CFH: variants seen among roughly 807,000 people sequenced by gnomAD.
The protein encoded by CFH is H factor 1 (complement).
CFH carries 53 observed loss-of-function variants against 147.3 expected under a neutral mutation model. That is an observed-to-expected ratio of 0.36 (90% CI 0.29 to 0.45). CFH has a LOEUF of 0.45. CFH is among the 20% of genes least tolerant of loss of function. The pLI, the probability that CFH is intolerant of heterozygous loss-of-function variation, is 1.00. For missense variants in CFH, 1,380 were observed against 1,498.0 expected (o/e 0.92, Z 1.30); for synonymous variants, 536 against 489.4 (o/e 1.10, Z -1.26).
chr1:196,681,968 A>T (rs1558158410), intron 6 of CFH, among the ~76,000 whole-genome samples: 1 of 151,788 alleles, frequency 6.6e-6, no homozygotes, highest in African/African-American at 2.4e-5. Flanking sequence ...CTAAATCTAT[A>T]AGAAGTTTGG....
intron 9 of CFH, chr1:196,701,342 GA>G (rs1558167802): frequency 1.2e-6 from 2 of 1,613,626 alleles, no homozygotes; most frequent in South Asian, 2.2e-5. Flanking sequence ...ACTTCTGATC[GA>G]AGGTCATCCC....
chr1:196,676,267 G>A (rs562755711), intron 4 of CFH, among the ~76,000 whole-genome samples: 1 of 151,952 alleles, frequency 6.6e-6, no homozygotes, highest in African/African-American at 2.4e-5. Context: ...AGCCTGATCT[G>A]ATATAATAAT....
intron 11 of CFH, among the ~76,000 whole-genome samples, chr1:196,718,976 A>C (rs1018041500): frequency 6.6e-6 from 1 of 152,114 alleles, no homozygotes; most frequent in African/African-American, 2.4e-5. Context: ...ATTGACAGAC[A>C]TCTGAGTATA....
intron 11 of CFH, among the ~76,000 whole-genome samples, chr1:196,722,335 A>AATACAAAAT (rs1258628480): frequency 1.4e-4 from 21 of 152,232 alleles, no homozygotes; most frequent in Admixed American, 1.2e-3. Context: ...AGTTTAGCAA[A>AATACAAAAT]ATACAAAATA....
intron 1 of CFH, among the ~76,000 whole-genome samples, chr1:196,664,146 C>T (rs547349332): frequency 1.1e-4 from 17 of 152,106 alleles, no homozygotes; most frequent in Non-Finnish European, 2.5e-4. Context: ...TCCTTAAACT[C>T]CTGGGCTCAA....
chr1:196,659,646 CGG>C (rs1418070510), intron 1 of CFH, among the ~76,000 whole-genome samples: 3 of 151,970 alleles, frequency 2.0e-5, no homozygotes, highest in Non-Finnish European at 4.4e-5. Flanking sequence ...TGGTAACTTC[CGG>C]TTGTTGGGTC....
At chr1:196,677,727 A>C in intron 5 of CFH, 60 bp downstream of exon 5, 7 of 1,457,114 alleles carry the variant, frequency 4.8e-6, no homozygotes, top group Non-Finnish European at 6.7e-6. Context: ...TACATTTAAA[A>C]CATCGTTCAT....
intron 15 of CFH, among the ~76,000 whole-genome samples, 199 bp downstream of exon 15, chr1:196,728,721 ACACACACACACG>A (rs1457831192): frequency 2.1e-5 from 3 of 143,666 alleles, no homozygotes; most frequent in African/African-American, 7.7e-5. Context: ...ATAAACACAC[ACACACACACACG>A]CACACACACA....
intron 9 of CFH, among the ~76,000 whole-genome samples, chr1:196,697,654 G>A (rs1668317542): frequency 6.6e-6 from 1 of 152,048 alleles, no homozygotes; most frequent in Admixed American, 6.6e-5. Context: ...CCCATTACTG[G>A]GTATATACAC....
At chr1:196,726,093 C>T (rs1254891166) in intron 12 of CFH, among the ~76,000 whole-genome samples, 1 of 152,148 alleles carries the variant, frequency 6.6e-6, no homozygotes, top group African/African-American at 2.4e-5. Flanking sequence ...AATTCAGTTG[C>T]TTGTATTGAT....
chr1:196,730,454 T>C (rs1669256373), intron 15 of CFH, among the ~76,000 whole-genome samples: 1 of 151,894 alleles, frequency 6.6e-6, no homozygotes, highest in African/African-American at 2.4e-5. Flanking sequence ...CTTGATATGA[T>C]TTCAGTCTTC....
chr1:196,737,697 T>C, intron 17 of CFH, 37 bp downstream of exon 17: 3 of 1,548,596 alleles, frequency 1.9e-6, no homozygotes, highest in Non-Finnish European at 2.7e-6. Flanking sequence ...CTGTTTATAG[T>C]AGAATTCATA....
At chr1:196,723,102 T>C (rs910938629) in intron 11 of CFH, among the ~76,000 whole-genome samples, 1 of 152,150 alleles carries the variant, frequency 6.6e-6, no homozygotes, top group African/African-American at 2.4e-5. Context: ...GACTTATTGC[T>C]GAAGAGTTAG....
At chr1:196,682,485 T>C (rs1338239236) in intron 6 of CFH, among the ~76,000 whole-genome samples, 1 of 151,676 alleles carries the variant, frequency 6.6e-6, no homozygotes, top group African/African-American at 2.4e-5. Flanking sequence ...CTATTCTTAA[T>C]TAACAAAATT....
intron 9 of CFH, among the ~76,000 whole-genome samples, chr1:196,690,615 A>C (rs1327998567): frequency 6.6e-6 from 1 of 152,088 alleles, no homozygotes; most frequent in African/African-American, 2.4e-5. Context: ...TTAGGAGCAC[A>C]GGTTTAATAG....
intron 1 of CFH, among the ~76,000 whole-genome samples, chr1:196,658,231 A>T (rs1196848329): frequency 1.3e-5 from 2 of 151,830 alleles, no homozygotes; most frequent in African/African-American, 4.8e-5. Context: ...GCTAAAAAAA[A>T]ACTTGATTTT....
At chr1:196,679,415 A>G in intron 5 of CFH, 1 of 426,622 alleles carries the variant, frequency 2.3e-6, no homozygotes, top group South Asian at 2.9e-5. Flanking sequence ...TTATCCTGAA[A>G]CTAAATAAAA....
chr1:196,654,620 C>T (rs910465423), intron 1 of CFH, among the ~76,000 whole-genome samples: 12 of 152,178 alleles, frequency 7.9e-5, no homozygotes, highest in South Asian at 2.1e-4. Flanking sequence ...TAGGGTCTAA[C>T]AATTGTGTAC....
At chr1:196,701,167 G>A in intron 9 of CFH, 1 of 993,902 alleles carries the variant, frequency 1.0e-6, no homozygotes. Flanking sequence ...TTGTGGAGGG[G>A]ATCCCTGAAG....
Sources: gnomAD v4.1 joint callset for allele counts (sites outside exome capture counted in the v4.1 genomes callset) on GRCh38, gnomAD v4.1.1 for gene constraint, MANE v1.5 for transcripts, NCBI Gene and HGNC (gene_info 2026-07-23, HGNC 2026-07-21) for gene names.